The following CRPPA variants were observed in gnomAD, a reference collection of about 807,000 sequenced individuals.
CRPPA encodes D-ribitol-5-phosphate cytidylyltransferase.
In CRPPA, 43 loss-of-function variants were observed where a neutral mutation model predicts 52.0. The observed-to-expected ratio is 0.83, with a 90% confidence interval of 0.65 to 1.07. The LOEUF is 1.07. Among genes scored for constraint, CRPPA ranks in the 50% least tolerant of loss-of-function variants. The pLI, the probability that CRPPA is intolerant of heterozygous loss-of-function variation, is 0.00. For missense variants in CRPPA, 629 were observed against 551.7 expected (o/e 1.14, Z -1.40); for synonymous variants, 250 against 203.5 (o/e 1.23, Z -1.94).
intron 9 of CRPPA, among the ~76,000 whole-genome samples, chr7:16,198,533 C>G (rs1490289273): frequency 2.5e-5 from 3 of 120,902 alleles, no homozygotes; most frequent in African/African-American, 1.0e-4. Context: ...TAAGGGAACT[C>G]AGAGGCTGGC....
At chr7:16,246,908 A>C (rs1470685934) in intron 8 of CRPPA, among the ~76,000 whole-genome samples, 1 of 152,226 alleles carries the variant, frequency 6.6e-6, no homozygotes, top group East Asian at 1.9e-4. Context: ...CCTTCAACTG[A>C]AAGTCACTAG....
chr7:16,367,119 C>A (rs1786616568), intron 3 of CRPPA, among the ~76,000 whole-genome samples: 2 of 152,114 alleles, frequency 1.3e-5, no homozygotes, highest in Admixed American at 6.5e-5. Flanking sequence ...CACTCACCCT[C>A]CTGAGGATCT....
intron 3 of CRPPA, among the ~76,000 whole-genome samples, chr7:16,336,809 A>C (rs1035551311): frequency 6.6e-6 from 1 of 152,140 alleles, no homozygotes; most frequent in African/African-American, 2.4e-5. Context: ...TTCCACATGA[A>C]TAAAAAACAA....
At chr7:16,330,937 AC>A (rs1785534857) in intron 3 of CRPPA, among the ~76,000 whole-genome samples, 1 of 152,022 alleles carries the variant, frequency 6.6e-6, no homozygotes, top group Non-Finnish European at 1.5e-5. Context: ...ACTCCAGCAC[AC>A]TCTAGCTATC....
At chr7:16,120,180 G>T (rs1159874468) in intron 9 of CRPPA, among the ~76,000 whole-genome samples, 1 of 152,152 alleles carries the variant, frequency 6.6e-6, no homozygotes, top group Non-Finnish European at 1.5e-5. Context: ...ACTGTAATCA[G>T]GCTCCTTTAA....
At chr7:16,279,380 A>C (rs762301002) in intron 5 of CRPPA, among the ~76,000 whole-genome samples, 1 of 152,196 alleles carries the variant, frequency 6.6e-6, no homozygotes, top group Non-Finnish European at 1.5e-5. Context: ...ATGAATACTA[A>C]TGCTCATGAT....
chr7:16,259,175 G>C (rs547690848), intron 6 of CRPPA, among the ~76,000 whole-genome samples, 163 bp from the exon 7 acceptor site: 2 of 151,954 alleles, frequency 1.3e-5, no homozygotes, highest in African/African-American at 4.8e-5. Flanking sequence ...TCAAGAAATA[G>C]TCATTTGAAC....
chr7:16,186,990 G>A (rs12699772), intron 9 of CRPPA, among the ~76,000 whole-genome samples: 6 of 151,920 alleles, frequency 3.9e-5, no homozygotes. Context: ...TTGCTCATGT[G>A]CAAAGATGAA....
chr7:16,366,502 C>G (rs1786591532), intron 3 of CRPPA, among the ~76,000 whole-genome samples: 1 of 152,106 alleles, frequency 6.6e-6, no homozygotes, highest in Admixed American at 6.5e-5. Context: ...ATTTATTAGT[C>G]TTATAGAAAC....
intron 5 of CRPPA, among the ~76,000 whole-genome samples, chr7:16,289,313 C>T (rs959616151): frequency 6.6e-6 from 1 of 152,100 alleles, no homozygotes; most frequent in Non-Finnish European, 1.5e-5. Flanking sequence ...TCAAACTACT[C>T]CAGGAAATTG....
At chr7:16,254,784 A>AGAAAGAAG (rs1369909841) in intron 8 of CRPPA, among the ~76,000 whole-genome samples, 1 of 120,082 alleles carries the variant, frequency 8.3e-6, no homozygotes, top group East Asian at 2.6e-4. Context: ...AAAGAAAGAA[A>AGAAAGAAG]GAAAGAAGGA....
At chr7:16,186,535 C>CA (rs1583415751) in intron 9 of CRPPA, among the ~76,000 whole-genome samples, 1 of 152,106 alleles carries the variant, frequency 6.6e-6, no homozygotes, top group African/African-American at 2.4e-5. Flanking sequence ...TTTGTTATAG[C>CA]AACCTAAAAT....
At chr7:16,257,225 C>A (rs921595390) in intron 8 of CRPPA, among the ~76,000 whole-genome samples, 1 of 152,102 alleles carries the variant, frequency 6.6e-6, no homozygotes, top group African/African-American at 2.4e-5. Flanking sequence ...TTGTTATTTT[C>A]ACTACATTGG....
At chr7:16,353,588 G>A (rs10235920) in intron 3 of CRPPA, among the ~76,000 whole-genome samples, 3,202 of 152,188 alleles carry the variant, frequency 0.021, 104 homozygotes, top group African/African-American at 0.071. Context: ...GGTGGCTCAC[G>A]CCTGTAATCC....
rs1222146099 is a variant in CRPPA at position 16,091,084 on chromosome 7, T to A, written c.*611A>T. The A allele has an allele frequency of 6.6e-6, 1 of 152,162 alleles. No homozygotes were observed. Among genetic ancestry groups the A allele is most frequent in the Non-Finnish European group, 1.5e-5 (1 of 68,028 alleles). 9.4% of individuals were successfully genotyped at this position (152,162 alleles called of 1,614,324 possible). ...TTCATAAACCAAAAATAACATACAA[T>A]TTAAAAACAGAAAAGAAGGAAATGA... On this transcript the variant is annotated 3_prime_UTR_variant, in exon 10 of 10. Coordinates refer to ENST00000407010, the MANE Select transcript of CRPPA (RefSeq NM_001101426.4).
intron 8 of CRPPA, among the ~76,000 whole-genome samples, chr7:16,222,293 T>G (rs1472138522): frequency 1.4e-4 from 14 of 100,428 alleles, no homozygotes; most frequent in Admixed American, 1.3e-4. Context: ...GGGGACTGTG[T>G]TGCGGTGGGG....
chr7:16,238,588 T>A (rs540825532), intron 8 of CRPPA, among the ~76,000 whole-genome samples: 1 of 151,928 alleles, frequency 6.6e-6, no homozygotes, highest in Admixed American at 6.6e-5. Context: ...AAATTGGACA[T>A]AAAAAAGGAG....
Position 16,305,934 on chromosome 7 carries a change from C to T in CRPPA, c.789+2589G>A, listed in dbSNP as rs140084652. Among the ~76,000 whole-genome samples the T allele has an allele frequency of 4.5e-3, 681 of 152,208 alleles. 4 individuals are homozygous for T. Among genetic ancestry groups the T allele is most frequent in the East Asian group, 0.03 (154 of 5,174 alleles). ...TCTCACAGTCTGGAGACTAGACATC[C>T]GAAATCAAGATACAAGTAGGACCCT... On this transcript the variant is annotated intron_variant, in intron 4 of 9. Transcript: ENST00000407010.
chr7:16,287,639 C>T (rs745751855), intron 5 of CRPPA, among the ~76,000 whole-genome samples: 13 of 152,078 alleles, frequency 8.5e-5, no homozygotes, highest in African/African-American at 2.9e-4. Flanking sequence ...TGGCTGGGCA[C>T]GGTGGCATGT....
Sources: allele counts gnomAD v4.1 joint callset (sites outside exome capture counted in the v4.1 genomes callset), GRCh38; gene constraint gnomAD v4.1.1; transcripts MANE v1.5; gene names NCBI Gene and HGNC (gene_info 2026-07-23, HGNC 2026-07-21).